FGD4: variants seen among roughly 807,000 people sequenced by gnomAD.
FGD4 encodes the protein FYVE, RhoGEF and PH domain containing 4, also known as FYVE, RhoGEF and PH domain-containing protein 4.
FGD4 carries 42 observed loss-of-function variants against 102.0 expected under a neutral mutation model. The observed-to-expected ratio is 0.41, with a 90% CI of 0.32 to 0.53. FGD4 has a LOEUF of 0.53. Among genes scored for constraint, FGD4 ranks in the 20% least tolerant of loss-of-function variants. The pLI is 0.21. For synonymous variants in FGD4, 380 were observed against 375.7 expected (o/e 1.01, Z -0.13); for missense variants, 902 against 1,078.2 (o/e 0.84, Z 2.29).
In FGD4 at chr12:32,564,180, C is replaced by G. The variant is rs1215321666; in HGVS notation, c.210C>G (p.Ser70=). The G allele has an allele frequency of 1.3e-6, 2 of 1,536,102 alleles. No homozygotes were observed. Among genetic ancestry groups the G allele is most frequent in the South Asian group, 2.4e-5 (2 of 84,060 alleles). ...AGATCGCTTTAGTTCCACCTTGCTC[C>G]ACAAGCAGCACAACCACACTGGTTG... The part of the protein sequence containing the change: ...CPKIALVPPC[S]TSSTTTLVGE... The change falls in exon 2 of 17, where the codon TCC becomes TCG. Residue 70 remains serine, a synonymous_variant. Coordinates refer to ENST00000534526, the MANE Select transcript of FGD4 (RefSeq NM_001370298.3).
At chr12:32,400,340 G>A (rs1940605016) in intron 1 of FGD4, among the ~76,000 whole-genome samples, 1 of 152,194 alleles carries the variant, frequency 6.6e-6, no homozygotes. Context: ...GGCCTAATAC[G>A]GTGAAGGGGA....
intron 15 of FGD4, among the ~76,000 whole-genome samples, chr12:32,634,695 A>T (rs10844266): frequency 0.25 from 38,665 of 152,170 alleles, 5,169 homozygotes; most frequent in South Asian, 0.41. Flanking sequence ...TGGTTTATTA[A>T]GAATCTCTAA....
chr12:32,632,717 T>A (rs12369010), intron 14 of FGD4, among the ~76,000 whole-genome samples: 4,404 of 133,050 alleles, frequency 0.033, 75 homozygotes, highest in East Asian at 0.072. Context: ...TTATTTATTT[T>A]TTTTTTTTGA....
intron 14 of FGD4, among the ~76,000 whole-genome samples, chr12:32,630,954 G>A (rs1035067851): frequency 6.6e-6 from 1 of 151,814 alleles, no homozygotes; most frequent in African/African-American, 2.4e-5. Flanking sequence ...CTCCAGCCTG[G>A]GTGACAGACC....
chr12:32,548,750 C>T (rs544662485), intron 1 of FGD4, among the ~76,000 whole-genome samples: 1 of 152,340 alleles, frequency 6.6e-6, no homozygotes, highest in East Asian at 1.9e-4. Context: ...ATGCATAAAA[C>T]TCAGGCATCC....
chr12:32,485,809 T>G, intron 1 of FGD4: 2 of 973,184 alleles, frequency 2.1e-6, no homozygotes, highest in Non-Finnish European at 2.4e-6. Context: ...AAGTTACATG[T>G]ATTTGGCATC....
intron 1 of FGD4, among the ~76,000 whole-genome samples, chr12:32,449,246 T>C (rs1019027641): frequency 3.9e-5 from 6 of 152,216 alleles, no homozygotes; most frequent in African/African-American, 1.4e-4. Flanking sequence ...GTAATATAGC[T>C]ATCAAAACCA....
intron 11 of FGD4, among the ~76,000 whole-genome samples, chr12:32,623,741 A>C (rs962313625): frequency 6.6e-6 from 1 of 152,250 alleles, no homozygotes; most frequent in African/African-American, 2.4e-5. Flanking sequence ...CCTACCTGCA[A>C]GAAAGAGGAA....
intron 1 of FGD4, among the ~76,000 whole-genome samples, chr12:32,555,226 A>G (rs1241263968): frequency 6.6e-6 from 1 of 152,214 alleles, no homozygotes; most frequent in Non-Finnish European, 1.5e-5. Flanking sequence ...AGTATGAGAG[A>G]AAAAGAGGAT....
At chr12:32,537,848 G>C (rs370468385) in intron 1 of FGD4, among the ~76,000 whole-genome samples, 2 of 152,086 alleles carry the variant, frequency 1.3e-5, no homozygotes, top group Non-Finnish European at 2.9e-5. Flanking sequence ...CTAATAGCAC[G>C]CCTGTTCCTT....
intron 1 of FGD4, among the ~76,000 whole-genome samples, chr12:32,410,336 A>T (rs1302007972): frequency 1.3e-5 from 2 of 151,944 alleles, no homozygotes; most frequent in African/African-American, 4.8e-5. Flanking sequence ...TCAAAAAAAA[A>T]AAAATTGCCA....
At chr12:32,453,233 A>ATT (rs1942855290) in intron 1 of FGD4, among the ~76,000 whole-genome samples, 1 of 62,062 alleles carries the variant, frequency 1.6e-5, no homozygotes, top group East Asian at 4.8e-4. Flanking sequence ...ATAGATATAT[A>ATT]TATATTTTTT....
intron 1 of FGD4, among the ~76,000 whole-genome samples, chr12:32,437,408 G>A (rs762971542): frequency 9.9e-5 from 15 of 152,204 alleles, no homozygotes; most frequent in Admixed American, 6.5e-5. Flanking sequence ...GGCTGAGCAC[G>A]GAGGCTCTTT....
intron 1 of FGD4, among the ~76,000 whole-genome samples, chr12:32,451,089 G>C (rs1394733202): frequency 2.2e-4 from 33 of 152,184 alleles, no homozygotes; most frequent in Admixed American, 2.2e-3. Flanking sequence ...TTTGGGTGAA[G>C]CTTTGCAAAG....
chr12:32,565,590 T>G (rs559737191), intron 2 of FGD4, among the ~76,000 whole-genome samples: 2 of 152,348 alleles, frequency 1.3e-5, no homozygotes, highest in Admixed American at 1.3e-4. Flanking sequence ...AGAATTTCAT[T>G]ACTTAAAAAG....
chr12:32,444,537 T>G (rs1255588618), intron 1 of FGD4, among the ~76,000 whole-genome samples: 2 of 152,060 alleles, frequency 1.3e-5, no homozygotes, highest in Non-Finnish European at 1.5e-5. Context: ...CCCGAGTAAC[T>G]GGGATTACAG....
intron 11 of FGD4, among the ~76,000 whole-genome samples, chr12:32,621,277 G>A (rs576400923): frequency 6.6e-6 from 1 of 152,198 alleles, no homozygotes; most frequent in African/African-American, 2.4e-5. Context: ...AACAGAGCGA[G>A]ACTCTGTCTC....
intron 1 of FGD4, among the ~76,000 whole-genome samples, chr12:32,530,941 GTTTTTTTTTTTTT>G (rs768536136): frequency 1.4e-5 from 1 of 70,466 alleles, no homozygotes; most frequent in Non-Finnish European, 2.5e-5. Flanking sequence ...CCTAGCTTTG[GTTTTTTTTTTTTT>G]TTTTTTTTTT....
intron 1 of FGD4, among the ~76,000 whole-genome samples, chr12:32,561,221 G>C (rs531154622): frequency 6.6e-6 from 1 of 151,312 alleles, no homozygotes; most frequent in Admixed American, 6.6e-5. Context: ...TGAGTAGCTA[G>C]GATTACAGGC....
Sources: allele counts gnomAD v4.1 joint callset (sites outside exome capture counted in the v4.1 genomes callset), GRCh38; gene constraint gnomAD v4.1.1; transcripts MANE v1.5; gene names NCBI Gene and HGNC (gene_info 2026-07-23, HGNC 2026-07-21).